WWOX: variants seen among roughly 807,000 people sequenced by gnomAD.
WWOX encodes the protein WW domain-containing oxidoreductase.
Under a neutral mutation model 46.2 loss-of-function variants are expected in WWOX, and 69 were observed. That is an observed-to-expected ratio of 1.49 (90% CI 1.23 to 1.82). The LOEUF is 1.82. Among genes scored for constraint, WWOX ranks in the 40% most tolerant of loss-of-function variants. WWOX has a pLI of 0.00. For synonymous variants in WWOX, 359 were observed against 202.6 expected, an observed-to-expected ratio of 1.77 and a Z score of -6.56; for missense variants, 919 against 542.6, an observed-to-expected ratio of 1.69 and a Z score of -6.89.
At chr16:78,861,691 A>G (rs1179997052) in intron 8 of WWOX, among the ~76,000 whole-genome samples, 1 of 152,198 alleles carries the variant, frequency 6.6e-6, no homozygotes, top group Non-Finnish European at 1.5e-5. Flanking sequence ...AATATTATAA[A>G]TGTCATCTTT....
chr16:78,217,802 C>T lies in WWOX; in HGVS notation c.516+53513C>T, dbSNP rs184581397. On this transcript the variant is annotated intron_variant, in intron 5 of 8. Coordinates refer to ENST00000566780, the MANE Select transcript of WWOX (RefSeq NM_016373.4). ...AAATAATTCTGTGTGCTGTGCAGGC[C>T]GTGGAGACTCATCTTCTGCACAGGT... Among the ~76,000 whole-genome samples the T allele has an allele frequency of 2.3e-3, 346 of 152,170 alleles. 1 individual carries two copies. The highest frequency in any genetic ancestry group is 7.8e-3 in the African/African-American group (324 of 41,524).
At chr16:79,166,209 C>T (rs1375484554) in intron 8 of WWOX, among the ~76,000 whole-genome samples, 2 of 152,134 alleles carry the variant, frequency 1.3e-5, no homozygotes, top group African/African-American at 4.8e-5. Flanking sequence ...TGACTTCAAT[C>T]ACTTCTGGAG....
intron 8 of WWOX, among the ~76,000 whole-genome samples, chr16:78,737,088 A>G (rs549536893): frequency 7.3e-5 from 11 of 151,426 alleles, no homozygotes; most frequent in Admixed American, 5.3e-4. Flanking sequence ...ATCTGTCTTT[A>G]TTTTTGTTTA....
At chr16:78,166,538 CTTTTTTCTT>C (rs956777827) in intron 5 of WWOX, among the ~76,000 whole-genome samples, 9 of 151,372 alleles carry the variant, frequency 5.9e-5, no homozygotes, top group South Asian at 2.1e-4. Flanking sequence ...GAGTCATTTT[CTTTTTTCTT>C]TTTTTTCTTT....
rs542732712 is a variant in WWOX, at chr16:78,759,497, C to A, written c.1056+326745C>A. 9.9e-5 allele frequency among the ~76,000 whole-genome samples: 15 copies of A among 152,248 alleles called. No homozygotes were observed. In the South Asian group the frequency reaches 3.1e-3, roughly 32 times the overall value. ...TTTGCCCTTGAAGCCTCTTGACATACAGTGTCATCAAGGAGCAGTGGGTGA... is the reference window on the plus strand; with the variant it reads ...TTTGCCCTTGAAGCCTCTTGACATAAAGTGTCATCAAGGAGCAGTGGGTGA... On this transcript the variant is annotated intron_variant, in intron 8 of 8. Transcript: ENST00000566780.
chr16:78,507,560 G>T (rs1388233674), intron 8 of WWOX, among the ~76,000 whole-genome samples: 2 of 152,082 alleles, frequency 1.3e-5, no homozygotes, highest in Non-Finnish European at 2.9e-5. Flanking sequence ...GTCCTATTAG[G>T]CATCTTATCC....
At chr16:78,405,958 GAA>G (rs571662551) in intron 6 of WWOX, among the ~76,000 whole-genome samples, 2 of 151,986 alleles carry the variant, frequency 1.3e-5, no homozygotes, top group Non-Finnish European at 2.9e-5. Context: ...CTAAACAAAA[GAA>G]TTCTCTTATG....
chr16:78,271,069 C>T (rs1036422742), intron 5 of WWOX, among the ~76,000 whole-genome samples: 6 of 152,264 alleles, frequency 3.9e-5, no homozygotes, highest in Admixed American at 6.5e-5. Flanking sequence ...GTTTATTTAT[C>T]GATCTTTAGA....
chr16:78,319,584 G>A (rs551148323), intron 5 of WWOX, among the ~76,000 whole-genome samples: 2 of 152,064 alleles, frequency 1.3e-5, no homozygotes, highest in East Asian at 1.9e-4. Flanking sequence ...ATCCCAGTTG[G>A]TCTTCTGACT....
intron 8 of WWOX, chr16:78,525,488 A>G (rs1267995803): frequency 6.6e-6 from 1 of 152,010 alleles, no homozygotes; most frequent in Non-Finnish European, 1.5e-5. Context: ...CCCGGCCCAG[A>G]TTTTCTTATA....
intron 1 of WWOX, among the ~76,000 whole-genome samples, chr16:78,101,346 C>CT (rs71137871): frequency 0.022 from 1,473 of 66,852 alleles, 132 homozygotes; most frequent in African/African-American, 0.057. Flanking sequence ...CGCTCCCGGC[C>CT]TTTTTTTTTT....
intron 8 of WWOX, among the ~76,000 whole-genome samples, chr16:78,850,852 G>C (rs2052425227): frequency 6.6e-6 from 1 of 152,164 alleles, no homozygotes; most frequent in African/African-American, 2.4e-5. Flanking sequence ...TTTGGTGATT[G>C]AGTAGAACTT....
At position 78,726,031 on chromosome 16, in the gene WWOX, C is replaced by G. The variant is rs143053608; in HGVS notation, c.1056+293279C>G. Among the ~76,000 whole-genome samples, 165 of 150,250 alleles carry G rather than the reference C, an allele frequency of 1.1e-3. 3 individuals carry two copies. The highest frequency in any genetic ancestry group is 3.7e-3 in the African/African-American group (152 of 40,836). On this transcript the variant is annotated intron_variant, in intron 8 of 8. Coordinates refer to ENST00000566780, the MANE Select transcript of WWOX (RefSeq NM_016373.4). The stretch of plus-strand genomic sequence containing the variant: ...TCTCTTTGTTCTCCTTCTAGTTCTC[C>G]TCCTTTCTTCTTTCTTACTTTTACT...
chr16:78,488,483 A>G (rs548560447), intron 8 of WWOX, among the ~76,000 whole-genome samples: 193 of 152,214 alleles, frequency 1.3e-3, no homozygotes, highest in African/African-American at 4.5e-3. Context: ...CTCTTTAAGG[A>G]TAAGACTTTC....
chr16:78,315,276 G>A (rs2080335919), intron 5 of WWOX, among the ~76,000 whole-genome samples: 1 of 152,194 alleles, frequency 6.6e-6, no homozygotes, highest in Non-Finnish European at 1.5e-5. Flanking sequence ...GACATGAGAA[G>A]TGAAACTGTT....
rs186654835 is a variant in WWOX at position 78,912,389 on chromosome 16, G to C, written c.1057-299219G>C. On this transcript the variant is annotated intron_variant, in intron 8 of 8. Transcript: ENST00000566780. Reference sequence around the variant, plus strand: ...TCTGCATTTTGCACATGACAAATCTGAGGGTCAGAGAACTTGCCCAGGGTC... The same window carrying C: ...TCTGCATTTTGCACATGACAAATCTCAGGGTCAGAGAACTTGCCCAGGGTC... Among the ~76,000 whole-genome samples the C allele has an allele frequency of 2.0e-5, 3 of 152,032 alleles. No homozygotes were observed. The East Asian group carries it at 5.8e-4, about 29-fold the overall frequency.
At chr16:78,835,710 G>A (rs186414603) in intron 8 of WWOX, among the ~76,000 whole-genome samples, 2 of 152,144 alleles carry the variant, frequency 1.3e-5, no homozygotes, top group Non-Finnish European at 2.9e-5. Context: ...ATCTGACCTC[G>A]TGAAGAAATT....
chr16:78,566,155 C>T (rs1206953160), intron 8 of WWOX, among the ~76,000 whole-genome samples: 3 of 152,092 alleles, frequency 2.0e-5, no homozygotes, highest in African/African-American at 7.2e-5. Context: ...GGTCTGGAAC[C>T]TTTCTCTTAT....
At chr16:78,588,501 A>G (rs2045272976) in intron 8 of WWOX, among the ~76,000 whole-genome samples, 1 of 152,196 alleles carries the variant, frequency 6.6e-6, no homozygotes, top group Non-Finnish European at 1.5e-5. Flanking sequence ...TAGTGGCCTC[A>G]CAAGTTTCTT....
Sources: gnomAD v4.1 joint callset for allele counts (sites outside exome capture counted in the v4.1 genomes callset) on GRCh38, gnomAD v4.1.1 for gene constraint, MANE v1.5 for transcripts, NCBI Gene and HGNC (gene_info 2026-07-23, HGNC 2026-07-21) for gene names.